PTPRA: variants seen among roughly 807,000 people sequenced by gnomAD.
PTPRA encodes protein tyrosine phosphatase receptor type A.
In PTPRA, 25 loss-of-function variants were observed where a neutral mutation model predicts 104.8. That is an observed-to-expected ratio of 0.24 (90% CI 0.17 to 0.33). The LOEUF is 0.33. Ranked by LOEUF, PTPRA falls within the 10% of genes least tolerant of loss-of-function variation. PTPRA has a pLI of 1.00. For synonymous variants in PTPRA, 323 were observed against 368.9 expected, an observed-to-expected ratio of 0.88 and a Z score of 1.43; for missense variants, 765 against 1,015.3, an observed-to-expected ratio of 0.75 and a Z score of 3.35.
intron 2 of PTPRA, among the ~76,000 whole-genome samples, chr20:2,933,633 A>T (rs904450590): frequency 6.6e-6 from 1 of 151,694 alleles, no homozygotes. Context: ...GCTAATTTTT[A>T]TAATTTTTGT....
chr20:2,927,518 G>A (rs2060345498), intron 2 of PTPRA, among the ~76,000 whole-genome samples: 1 of 152,090 alleles, frequency 6.6e-6, no homozygotes, highest in Admixed American at 6.6e-5. Flanking sequence ...GCCTGTCAAG[G>A]CTAGTTCAAA....
rs183677272 is a variant in PTPRA, at chr20:2,987,965, T to C, written c.528-67T>C. 3.0e-5 allele frequency: 40 copies of C among 1,351,458 alleles called. No individual in the cohort carries two copies. The East Asian group carries it at 6.2e-4, about 21-fold the overall frequency. The allele number at this position is 1,351,458 out of a possible 1,614,324, so 83.7% of individuals were successfully genotyped here. A position where few individuals can be genotyped will look rare whatever the true frequency, so the allele number is the denominator to read the frequency against. ...GAAAGGCTGAATTGATGAGCAGGAATACAGAGGTGTGATTTGCCTCTCCCA... is the reference window on the plus strand; with the variant it reads ...GAAAGGCTGAATTGATGAGCAGGAACACAGAGGTGTGATTTGCCTCTCCCA... On this transcript the variant is annotated intron_variant, in intron 7 of 23. Transcript: ENST00000399903.
At chr20:2,991,714 C>CGG (rs2063184891) in intron 9 of PTPRA, among the ~76,000 whole-genome samples, 1 of 152,188 alleles carries the variant, frequency 6.6e-6, no homozygotes, top group African/African-American at 2.4e-5. Flanking sequence ...ATTTGCTGTG[C>CGG]TACCATGGCA....
In PTPRA at chr20:3,008,298, G is replaced by A. The variant is rs556613529; in HGVS notation, c.906+878G>A. Among the ~76,000 whole-genome samples the A allele has an allele frequency of 9.8e-5, 15 of 152,288 alleles. 1 individual carries two copies. In the South Asian group the frequency reaches 2.9e-3, roughly 29 times the overall value. On this transcript the variant is annotated intron_variant, in intron 11 of 23. Transcript: ENST00000399903. ...ATGTTATTCAGCCTTTAAAAGGAAG[G>A]AAATTCTAATACATGCTACAACATG...
intron 11 of PTPRA, among the ~76,000 whole-genome samples, chr20:3,010,584 C>T (rs1186240313): frequency 8.6e-5 from 13 of 151,970 alleles, no homozygotes; most frequent in African/African-American, 1.9e-4. Context: ...GCCGAGATCA[C>T]GCCACCGCAC....
intron 2 of PTPRA, among the ~76,000 whole-genome samples, chr20:2,935,633 T>C (rs889196114): frequency 6.6e-6 from 1 of 152,100 alleles, no homozygotes; most frequent in Non-Finnish European, 1.5e-5. Flanking sequence ...AGCACAGTTC[T>C]GCAATCATAA....
At chr20:2,938,779 A>G (rs1299443254) in intron 2 of PTPRA, among the ~76,000 whole-genome samples, 1 of 152,042 alleles carries the variant, frequency 6.6e-6, no homozygotes, top group Non-Finnish European at 1.5e-5. Flanking sequence ...GGTACTCCTT[A>G]TGTCTTCTAT....
intron 3 of PTPRA, among the ~76,000 whole-genome samples, chr20:2,959,365 G>A (rs1405571611): frequency 6.6e-6 from 1 of 152,126 alleles, no homozygotes; most frequent in Non-Finnish European, 1.5e-5. Context: ...AAATAAAAAT[G>A]TAATCTCATT....
At chr20:2,994,854 G>A (rs1054575739) in intron 9 of PTPRA, among the ~76,000 whole-genome samples, 2 of 152,158 alleles carry the variant, frequency 1.3e-5, no homozygotes, top group African/African-American at 4.8e-5. Context: ...TCCAGGCTGG[G>A]CACAATGGCT....
chr20:3,036,905 T>TGGTGGGGTGTGAGTGAA (rs1163829484), intron 22 of PTPRA, among the ~76,000 whole-genome samples: 1 of 152,196 alleles, frequency 6.6e-6, no homozygotes, highest in Non-Finnish European at 1.5e-5. Flanking sequence ...GGCTCTGTGC[T>TGGTGGGGTGTGAGTGAA]GGTGGGGTGT....
chr20:2,916,799 T>C (rs1447281848), intron 1 of PTPRA, among the ~76,000 whole-genome samples: 2 of 152,208 alleles, frequency 1.3e-5, no homozygotes, highest in East Asian at 3.9e-4. Flanking sequence ...ATATCACTCC[T>C]TATACCATTA....
intron 19 of PTPRA, 65 bp from the exon 20 acceptor site, chr20:3,027,642 G>T (rs150335331): frequency 1.3e-5 from 20 of 1,568,984 alleles, no homozygotes; most frequent in East Asian, 2.2e-5. Flanking sequence ...CTAGTGGTCT[G>T]TCTTCTCCAC....
intron 1 of PTPRA, among the ~76,000 whole-genome samples, chr20:2,911,997 C>T (rs1292281487): frequency 1.3e-5 from 2 of 151,354 alleles, no homozygotes; most frequent in Non-Finnish European, 2.9e-5. Context: ...AATCCCAGTA[C>T]TTTGGGAGGT....
chr20:3,017,720 C>A, intron 12 of PTPRA, 96 bp from the exon 13 acceptor site: 7 of 1,002,994 alleles, frequency 7.0e-6, no homozygotes, highest in South Asian at 7.0e-5. Flanking sequence ...GACATTTGGG[C>A]ACAAGCTTCC....
chr20:2,872,398 T>C (rs1273021865), upstream of PTPRA, among the ~76,000 whole-genome samples: 2 of 152,228 alleles, frequency 1.3e-5, no homozygotes, highest in African/African-American at 2.4e-5. This position sits in a 1 kb window ranked among gnomAD's most constrained non-coding sequence, Gnocchi z 7.9. Flanking sequence ...CGCCGCCACC[T>C]ACCCCGGGAA....
intron 1 of PTPRA, among the ~76,000 whole-genome samples, chr20:2,880,162 T>C (rs2089968762): frequency 6.6e-6 from 1 of 152,194 alleles, no homozygotes; most frequent in Non-Finnish European, 1.5e-5. Context: ...CTGATCTGAT[T>C]TGCAATTGTT....
intron 1 of PTPRA, among the ~76,000 whole-genome samples, chr20:2,898,119 C>T (rs1338285574): frequency 2.6e-5 from 4 of 151,026 alleles, no homozygotes; most frequent in East Asian, 3.9e-4. Context: ...TTTTTTGAGA[C>T]GGAGTCTTGC....
At chr20:2,890,864 C>G (rs1337994161) in intron 1 of PTPRA, among the ~76,000 whole-genome samples, 1 of 152,152 alleles carries the variant, frequency 6.6e-6, no homozygotes, top group East Asian at 1.9e-4. Context: ...TGATTCTACA[C>G]GTTCTTCCTG....
intron 20 of PTPRA, among the ~76,000 whole-genome samples, chr20:3,028,817 T>A (rs891062628): frequency 6.6e-6 from 1 of 152,122 alleles, no homozygotes; most frequent in African/African-American, 2.4e-5. Context: ...TTGTGTTTTT[T>A]AAAAAATCCC....
Sources: allele counts gnomAD v4.1 joint callset (sites outside exome capture counted in the v4.1 genomes callset), GRCh38; gene constraint gnomAD v4.1.1; non-coding constraint Gnocchi (gnomAD v3.1); transcripts MANE v1.5; gene names NCBI Gene and HGNC (gene_info 2026-07-23, HGNC 2026-07-21).